MAN2B1: variants seen among roughly 807,000 people sequenced by gnomAD.
MAN2B1 encodes the protein mannosidase alpha class 2B member 1.
MAN2B1 carries 99 observed loss-of-function variants against 127.5 expected under a neutral mutation model. That is an observed-to-expected ratio of 0.78 (90% CI 0.66 to 0.92). The LOEUF is 0.92. Ranked by LOEUF, MAN2B1 falls within the 40% of genes least tolerant of loss-of-function variation. MAN2B1 has a pLI of 0.00. For synonymous variants in MAN2B1, 573 were observed against 568.8 expected (o/e 1.01, Z -0.11); for missense variants, 1,304 against 1,384.8 (o/e 0.94, Z 0.93).
Position 12,663,745 on chromosome 19 carries a change from C to A in MAN2B1, c.721G>T (p.Ala241Ser). Reference protein sequence around the residue: ...QKLEMEQVWRASTSLKPPTAD... With the variant: ...QKLEMEQVWRSSTSLKPPTAD... The stretch of plus-strand genomic sequence containing the variant: ...GTCGGGGGCTTCAGGCTGGTGCTGG[C>A]CCGCCACACCTGCTCCATCTCCAGC... The change falls in exon 5 of 24, where the codon GCC becomes TCC. Residue 241 changes from alanine (A) to serine (S), a missense_variant. Coordinates refer to ENST00000456935, the MANE Select transcript of MAN2B1 (RefSeq NM_000528.4). The A allele has an allele frequency of 1.2e-6, 2 of 1,613,914 alleles. No individual in the cohort carries two copies. Among genetic ancestry groups the A allele is most frequent in the Non-Finnish European group, 1.7e-6 (2 of 1,179,936 alleles).
Position 12,655,709 on chromosome 19 carries a change from T to TA in MAN2B1, c.1814dup (p.Leu605PhefsTer6). ...GGGGTCTCACCTCATTTTCGATGGTTAAAGCAGGGGACCAGGATCTTCTGG... is the reference window on the plus strand; with the variant it reads ...GGGGTCTCACCTCATTTTCGATGGTTAAAAGCAGGGGACCAGGATCTTCTGG... On this transcript the variant is annotated frameshift_variant, in exon 14 of 24. Transcript: ENST00000456935. LOFTEE classifies it high-confidence loss of function. The TA allele has an allele frequency of 6.2e-7, 1 of 1,609,764 alleles. No individual in the cohort carries two copies. Among genetic ancestry groups the TA allele is most frequent in the Non-Finnish European group, 8.5e-7 (1 of 1,177,362 alleles).
intron 8 of MAN2B1, 38 bp from the exon 9 acceptor site, chr19:12,658,382 C>T: frequency 6.2e-7 from 1 of 1,614,204 alleles, no homozygotes; most frequent in Non-Finnish European, 8.5e-7. Flanking sequence ...GGTCATGACC[C>T]ACGGGGCATG....
At position 12,665,377 on chromosome 19, in the gene MAN2B1, T is replaced by G. The variant is rs1164774787; in HGVS notation, c.411A>C (p.Glu137Asp). The G allele has an allele frequency of 6.2e-7, 1 of 1,609,578 alleles. No individual in the cohort carries two copies. The highest frequency in any genetic ancestry group is 1.3e-5 in the African/African-American group (1 of 74,922). The part of the protein sequence containing the change: ...WWHQQTNATQ[E>D]VVRDLVRQGR... ...CCTGGCGCACAAGGTCTCGCACGAC[T>G]TCCTGTGTGGCATTTGTCTGCTGGT... is the stretch of plus-strand genomic sequence containing the variant. The change falls in exon 3 of 24, where the codon GAA becomes GAC. Residue 137 changes from glutamate (E) to aspartate (D), a missense_variant. Transcript: ENST00000456935.
intron 13 of MAN2B1, 190 bp downstream of exon 13, chr19:12,656,381 C>A: frequency 1.7e-6 from 1 of 573,840 alleles, no homozygotes; most frequent in Non-Finnish European, 3.1e-6. Context: ...AAGGGAGGAC[C>A]ACTCACAGGA....
chr19:12,666,573 C>T lies in MAN2B1; in HGVS notation c.129G>A (p.Ala43=), dbSNP rs1289590032. The T allele has an allele frequency of 1.3e-6, 2 of 1,587,406 alleles. No individual in the cohort carries two copies. The highest frequency in any genetic ancestry group is 1.1e-5 in the South Asian group (1 of 87,728). ...ATCCCCCGGCCCGAGCACCGGCAGC[C>T]GCCAGCAACAAAAGGAAAAAGCAGA... ...PPLCFFLLLL[A]AAGARAGGYE... The change falls in exon 1 of 24, where the codon GCG becomes GCA. Residue 43 remains alanine, a synonymous_variant. Transcript: ENST00000456935.
chr19:12,652,398 C>T lies in MAN2B1; in HGVS notation c.1893G>A (p.Gln631=). The part of the protein sequence containing the change: ...GLLMEIMNMN[Q]QLLLPVRQTF... ...TCTGGCGAACAGGCAGCAGGAGTTG[C>T]TGATTCATGTTCATAATCTCCATCA... The change falls in exon 15 of 24, where the codon CAG becomes CAA. Residue 631 remains glutamine (Q), a synonymous_variant. Coordinates refer to ENST00000456935, the MANE Select transcript of MAN2B1 (RefSeq NM_000528.4). The T allele has an allele frequency of 6.2e-7, 1 of 1,614,120 alleles. No homozygotes were observed. The highest frequency in any genetic ancestry group is 8.5e-7 in the Non-Finnish European group (1 of 1,180,018).
rs1325721956 is a variant in MAN2B1, at chr19:12,647,309, G to A, written c.2847C>T (p.Thr949=). The A allele has an allele frequency of 2.5e-6, 4 of 1,614,186 alleles. No homozygotes were observed. Among genetic ancestry groups the A allele is most frequent in the Non-Finnish European group, 3.4e-6 (4 of 1,180,036 alleles). The change falls in exon 23 of 24, where the codon ACC becomes ACT. Residue 949 remains threonine (T), a synonymous_variant. Coordinates refer to ENST00000456935, the MANE Select transcript of MAN2B1 (RefSeq NM_000528.4). The surrounding 1 kb of genome is among the most constrained non-coding windows in gnomAD (Gnocchi z 4.9). The part of the protein sequence containing the change: ...LRDLFSTFTI[T]RLQETTLVAN... ...CCACCAGCGTGGTCTCCTGCAGGCGGGTGATGGTGAAGGTGGAGAACAGGT... is the reference window on the plus strand; with the variant it reads ...CCACCAGCGTGGTCTCCTGCAGGCGAGTGATGGTGAAGGTGGAGAACAGGT...
intron 14 of MAN2B1, among the ~76,000 whole-genome samples, chr19:12,653,678 G>C (rs1482933971): frequency 6.6e-6 from 1 of 151,968 alleles, no homozygotes; most frequent in Non-Finnish European, 1.5e-5. Flanking sequence ...TCCAACTCCT[G>C]GGCTCAAGCA....
In MAN2B1 at chr19:12,656,190, G is replaced by A. The variant is rs111352858; in HGVS notation, c.1645-311C>T. 1.7e-3 allele frequency: 785 copies of A among 465,212 alleles called. 9 individuals carry two copies. Among genetic ancestry groups the A allele is most frequent in the African/African-American group, 0.014 (734 of 50,686 alleles). 28.8% of individuals were successfully genotyped at this position (465,212 alleles called of 1,614,324 possible). ...GGGGGAGGACGTTTTCTGGAATGAA[G>A]GAGATGTCCATAAACAGCAATAAAT... On this transcript the variant is annotated intron_variant, in intron 13 of 23. Coordinates refer to ENST00000456935, the MANE Select transcript of MAN2B1 (RefSeq NM_000528.4).
At chr19:12,651,678 G>T (rs1050193681) in intron 16 of MAN2B1, among the ~76,000 whole-genome samples, 10 of 152,062 alleles carry the variant, frequency 6.6e-5, no homozygotes, top group African/African-American at 2.4e-4. Context: ...ATCAATGAGA[G>T]GCCCTGGGAA....
chr19:12,665,134 T>C lies in MAN2B1; in HGVS notation c.437-149A>G, dbSNP rs752081309. On this transcript the variant is annotated intron_variant, in intron 3 of 23. Coordinates refer to ENST00000456935, the MANE Select transcript of MAN2B1 (RefSeq NM_000528.4). Reference sequence around the variant, plus strand: ...GCTCCCAGGCCATAGTTCCCAGATATGGGAAAGAGGCCCCCTGCATGGCAG... The same window carrying C: ...GCTCCCAGGCCATAGTTCCCAGATACGGGAAAGAGGCCCCCTGCATGGCAG... The C allele has an allele frequency of 1.1e-4, 111 of 1,026,266 alleles. 1 individual carries two copies. The highest frequency in any genetic ancestry group is 1.5e-4 in the Non-Finnish European group (99 of 669,624). 63.6% of individuals were successfully genotyped at this position (1,026,266 alleles called of 1,614,324 possible). A position where few individuals can be genotyped will look rare whatever the true frequency, so the allele number is the denominator to read the frequency against.
chr19:12,649,357 G>T lies in MAN2B1; in HGVS notation c.2339C>A (p.Thr780Asn). The T allele has an allele frequency of 1.2e-6, 2 of 1,613,638 alleles. No homozygotes were observed. Among genetic ancestry groups the T allele is most frequent in the Non-Finnish European group, 1.7e-6 (2 of 1,179,758 alleles). The stretch of plus-strand genomic sequence containing the variant: ...GAGAGCTACCGTGATGTAAATCCGG[G>T]TGTTGACTGGATAGTAGTTTCCTGC... ...PVAGNYYPVN[T>N]RIYITDGNMQ... The change falls in exon 19 of 24, where the codon ACC (threonine) becomes AAC (asparagine). Residue 780 changes from threonine (T) to asparagine (N), a missense_variant. Coordinates refer to ENST00000456935, the MANE Select transcript of MAN2B1 (RefSeq NM_000528.4).
chr19:12,660,952 T>C (rs755654010), intron 7 of MAN2B1: 5 of 355,918 alleles, frequency 1.4e-5, no homozygotes, highest in Non-Finnish European at 2.8e-5. Context: ...AGAGACAGCG[T>C]TTCACCATGT....
chr19:12,656,512 G>A, intron 13 of MAN2B1, 59 bp downstream of exon 13: 1 of 1,217,762 alleles, frequency 8.2e-7, no homozygotes, highest in African/African-American at 1.5e-5. Flanking sequence ...TGGGGGCGAT[G>A]AGGAAATGCC....
intron 7 of MAN2B1, 46 bp from the exon 8 acceptor site, chr19:12,658,556 C>G (rs780457779): frequency 6.5e-7 from 1 of 1,549,324 alleles, no homozygotes; most frequent in Non-Finnish European, 8.9e-7. Context: ...TCCGCACCTT[C>G]CTGGGGGCCC....
Position 12,656,697 on chromosome 19 carries a change from C to A in MAN2B1, c.1528-10G>T. The stretch of plus-strand genomic sequence containing the variant: ...AAACGATGACCTGGAACTGGGGAGG[C>A]GGGGGTCAGAGAGGGCATGGGTCAC... On this transcript the variant is annotated splice_polypyrimidine_tract_variant and intron_variant, in intron 12 of 23. Transcript: ENST00000456935. The A allele has an allele frequency of 6.3e-7, 1 of 1,587,986 alleles. No individual in the cohort carries two copies. Among genetic ancestry groups the A allele is most frequent in the Non-Finnish European group, 8.6e-7 (1 of 1,156,350 alleles).
intron 7 of MAN2B1, among the ~76,000 whole-genome samples, chr19:12,660,084 G>T (rs2024066643): frequency 1.3e-5 from 2 of 152,200 alleles, no homozygotes; most frequent in Admixed American, 1.3e-4. Flanking sequence ...CATCTGTGTT[G>T]GGTAAAATGA....
intron 7 of MAN2B1, among the ~76,000 whole-genome samples, chr19:12,660,519 T>C (rs1229200741): frequency 6.6e-6 from 1 of 151,624 alleles, no homozygotes; most frequent in Non-Finnish European, 1.5e-5. Context: ...ATAAATAAAA[T>C]GTGGAAGAGA....
At chr19:12,649,795 C>A in intron 18 of MAN2B1, 118 bp downstream of exon 18, 1 of 922,162 alleles carries the variant, frequency 1.1e-6, no homozygotes, top group Non-Finnish European at 1.8e-6. Context: ...CTCCCCCGCC[C>A]TTCACTCTCC....
Sources: gnomAD v4.1 joint callset for allele counts (sites outside exome capture counted in the v4.1 genomes callset) on GRCh38, gnomAD v4.1.1 for gene constraint, Gnocchi (gnomAD v3.1) non-coding constraint, MANE v1.5 for transcripts, NCBI Gene and HGNC (gene_info 2026-07-23, HGNC 2026-07-21) for gene names.